The following KANK4 variants were observed in gnomAD, a reference collection of about 807,000 sequenced individuals.
The protein encoded by KANK4 is KN motif and ankyrin repeat domains 4.
Under a neutral mutation model 80.8 loss-of-function variants are expected in KANK4, and 50 were observed. The ratio of observed to expected loss-of-function variants is 0.62; its 90% CI spans 0.49 to 0.78. The LOEUF (loss-of-function observed/expected upper bound fraction) is 0.78, where lower values mean the gene tolerates loss of function less well. KANK4 is among the 30% of genes least tolerant of loss of function. KANK4 has a pLI of 0.00. For synonymous variants in KANK4, 465 were observed against 506.9 expected, an observed-to-expected ratio of 0.92 and a Z score of 1.11; for missense variants, 1,196 against 1,240.1, an observed-to-expected ratio of 0.96 and a Z score of 0.53.
At chr1:62,291,062 C>T (rs1672669309) in intron 1 of KANK4, among the ~76,000 whole-genome samples, 1 of 152,152 alleles carries the variant, frequency 6.6e-6, no homozygotes. Flanking sequence ...TACAATCTCT[C>T]TGTGGTCTCA....
intron 1 of KANK4, among the ~76,000 whole-genome samples, chr1:62,308,145 G>A (rs942045894): frequency 1.3e-5 from 2 of 152,148 alleles, no homozygotes; most frequent in African/African-American, 4.8e-5. Context: ...CTTTGCTCCT[G>A]GTCTCTAGCG....
In KANK4 at chr1:62,273,549, C is replaced by A; in HGVS notation, c.1555G>T (p.Ala519Ser). The A allele has an allele frequency of 6.2e-7, 1 of 1,613,676 alleles. No homozygotes were observed. Among genetic ancestry groups the A allele is most frequent in the Non-Finnish European group, 8.5e-7 (1 of 1,179,600 alleles). Residue 519 changes from alanine (A) to serine (S), a missense_variant, in exon 3 of 10, where the codon GCA becomes TCA. By Grantham distance (99) the Ala-to-Ser change is moderately conservative. Transcript: ENST00000371153. ...TCGCTGCCCCACAGAAAGCCTCCTG[C>A]TCCCCTGGTTCCTCCCTGAGGGCCT... ...EGGPQGGTRG[A>S]GGFLWGSDRK...
intron 2 of KANK4, among the ~76,000 whole-genome samples, chr1:62,279,524 G>C (rs941986358): frequency 2.6e-5 from 4 of 152,204 alleles, no homozygotes; most frequent in Admixed American, 2.6e-4. Context: ...AACCTGGCTG[G>C]ATTTGAATCA....
intron 7 of KANK4, among the ~76,000 whole-genome samples, chr1:62,259,287 T>C (rs1049096084): frequency 2.6e-5 from 4 of 152,156 alleles, no homozygotes; most frequent in Admixed American, 1.3e-4. Flanking sequence ...TTCTTTCTTT[T>C]TTTTTTTGAG....
intron 6 of KANK4, among the ~76,000 whole-genome samples, chr1:62,264,775 T>C (rs1178493011): frequency 3.9e-5 from 6 of 152,216 alleles, no homozygotes; most frequent in Non-Finnish European, 8.8e-5. Flanking sequence ...TGGAGAAAGA[T>C]CCTAATATTA....
chr1:62,270,780 C>T (rs1367220799), intron 4 of KANK4, among the ~76,000 whole-genome samples: 1 of 152,090 alleles, frequency 6.6e-6, no homozygotes, highest in Non-Finnish European at 1.5e-5. Context: ...CTCTGGGCAG[C>T]CTTCAGGGTT....
intron 7 of KANK4, among the ~76,000 whole-genome samples, chr1:62,258,927 G>T (rs796870576): frequency 2.0e-5 from 3 of 152,088 alleles, no homozygotes; most frequent in African/African-American, 7.2e-5. Flanking sequence ...CCAGGTAGAA[G>T]GCAAATACAA....
At chr1:62,253,246 A>G (rs1671665884) in intron 7 of KANK4, 37 bp from the exon 8 acceptor site, 13 of 1,567,050 alleles carry the variant, frequency 8.3e-6, no homozygotes, top group Non-Finnish European at 1.1e-5. Flanking sequence ...AAGGCTCCTG[A>G]GGGGCCAGGA....
intron 1 of KANK4, among the ~76,000 whole-genome samples, chr1:62,306,024 G>A (rs1644448300): frequency 1.3e-5 from 2 of 151,976 alleles, no homozygotes; most frequent in South Asian, 4.2e-4. Flanking sequence ...CTGTTCTGCT[G>A]CCCAGGCTGG....
chr1:62,279,036 C>T (rs146930598), intron 2 of KANK4, among the ~76,000 whole-genome samples: 1,644 of 152,192 alleles, frequency 0.011, 20 homozygotes, highest in Admixed American at 0.017. Context: ...GGCCTCTGGG[C>T]GCAGGTCCAG....
Position 62,237,696 on chromosome 1 carries a change from T to A in KANK4, c.*581A>T, listed in dbSNP as rs1671238790. On this transcript the variant is annotated 3_prime_UTR_variant, in exon 10 of 10. Coordinates refer to ENST00000371153, the MANE Select transcript of KANK4 (RefSeq NM_181712.5). The stretch of plus-strand genomic sequence containing the variant: ...TTCTACCCTGTCAGATTTTAAGATT[T>A]CTCTGTCAACCCCATCGAAACAAAG... 6.6e-6 allele frequency: 1 copy of A among 152,246 alleles called. No homozygotes were observed. The highest frequency in any genetic ancestry group is 1.5e-5 in the Non-Finnish European group (1 of 68,050). 9.4% of individuals were successfully genotyped at this position (152,246 alleles called of 1,614,324 possible). A position where few individuals can be genotyped will look rare whatever the true frequency, so the allele number is the denominator to read the frequency against.
chr1:62,285,950 G>A (rs934365992), intron 1 of KANK4, among the ~76,000 whole-genome samples: 3 of 152,196 alleles, frequency 2.0e-5, no homozygotes, highest in Non-Finnish European at 2.9e-5. Flanking sequence ...GGCCGAAGCC[G>A]GGACACCAGA....
chr1:62,264,404 TC>T (rs1039447725), intron 6 of KANK4, among the ~76,000 whole-genome samples: 6 of 152,208 alleles, frequency 3.9e-5, no homozygotes, highest in Admixed American at 2.0e-4. Flanking sequence ...AGAGCGAAAC[TC>T]CGTCTCAAAT....
intron 1 of KANK4, among the ~76,000 whole-genome samples, chr1:62,316,982 A>G (rs1053249779): frequency 1.3e-5 from 2 of 152,224 alleles, no homozygotes; most frequent in African/African-American, 4.8e-5. Context: ...CGAAGTTCAA[A>G]GCTAAGAGTG....
At chr1:62,303,512 C>T (rs1190714548) in intron 1 of KANK4, among the ~76,000 whole-genome samples, 1 of 151,990 alleles carries the variant, frequency 6.6e-6, no homozygotes, top group Non-Finnish European at 1.5e-5. Context: ...CCCAAAAGCA[C>T]CCACCGCCCA....
intron 1 of KANK4, among the ~76,000 whole-genome samples, chr1:62,290,683 G>A (rs573534884): frequency 6.6e-5 from 10 of 151,966 alleles, no homozygotes; most frequent in Non-Finnish European, 1.5e-4. Context: ...ATAAAAACGT[G>A]TTGAATCAAA....
chr1:62,298,754 G>A (rs79126800), intron 1 of KANK4, among the ~76,000 whole-genome samples: 71 of 152,328 alleles, frequency 4.7e-4, no homozygotes, highest in Admixed American at 2.2e-3. Context: ...AGAAGACACT[G>A]AAATACAAGC....
At chr1:62,277,821 C>T (rs1422367915) in intron 2 of KANK4, among the ~76,000 whole-genome samples, 2 of 152,150 alleles carry the variant, frequency 1.3e-5, no homozygotes, top group East Asian at 3.8e-4. Flanking sequence ...CTGAACTGAG[C>T]CTGTATTAAT....
At chr1:62,261,081 C>A (rs953774221) in intron 7 of KANK4, among the ~76,000 whole-genome samples, 1 of 151,932 alleles carries the variant, frequency 6.6e-6, no homozygotes, top group Non-Finnish European at 1.5e-5. Context: ...CAGCCCACTG[C>A]CTTCTCAACC....
Sources: allele counts gnomAD v4.1 joint callset (sites outside exome capture counted in the v4.1 genomes callset), GRCh38; gene constraint gnomAD v4.1.1; transcripts MANE v1.5; gene names NCBI Gene and HGNC (gene_info 2026-07-23, HGNC 2026-07-21).